The following SPATA13 variants were observed in gnomAD, a reference collection of about 807,000 sequenced individuals.
SPATA13 encodes the protein spermatogenesis associated 13.
SPATA13 carries 50 observed loss-of-function variants against 104.0 expected under a neutral mutation model. The ratio of observed to expected loss-of-function variants is 0.48; its 90% CI spans 0.38 to 0.61. The LOEUF (loss-of-function observed/expected upper bound fraction) is 0.61, where lower values mean the gene tolerates loss of function less well. Ranked by LOEUF, SPATA13 falls within the 20% of genes least tolerant of loss-of-function variation. The pLI, the probability that SPATA13 is intolerant of heterozygous loss-of-function variation, is 0.00. For synonymous variants in SPATA13, 606 were observed against 667.5 expected (o/e 0.91, Z 1.42); for missense variants, 1,524 against 1,690.6 (o/e 0.90, Z 1.73).
At chr13:24,038,188 C>T (rs1383846212) in intron 3 of SPATA13, among the ~76,000 whole-genome samples, 2 of 152,232 alleles carry the variant, frequency 1.3e-5, no homozygotes, top group Admixed American at 6.5e-5. Flanking sequence ...GCTGGGATTA[C>T]AGGCATGAGC....
chr13:24,286,120 AC>A lies in SPATA13; in HGVS notation c.2302-92del, dbSNP rs1318570995. ...CACCAGCATATCCAAGTGAGAGGAT[AC>A]CAGTGTCACCCTGAGAGAGTGCACC... On this transcript the variant is annotated intron_variant, in intron 5 of 12. Coordinates refer to ENST00000382108, the MANE Select transcript of SPATA13 (RefSeq NM_001166271.3). This position sits in a 1 kb window ranked among gnomAD's most constrained non-coding sequence, Gnocchi z 4.9. 1 of 1,197,610 alleles carries A rather than the reference AC, an allele frequency of 8.3e-7. No homozygotes were observed. The highest frequency in any genetic ancestry group is 1.5e-5 in the African/African-American group (1 of 65,306). 74.2% of individuals were successfully genotyped at this position (1,197,610 alleles called of 1,614,324 possible).
rs9510996 is a variant in SPATA13 at position 24,017,319 on chromosome 13, C to G, written c.-146-348C>G. 9.2e-3 allele frequency among the ~76,000 whole-genome samples: 1,397 copies of G among 152,250 alleles called. 8 individuals are homozygous for G. Among genetic ancestry groups the G allele is most frequent in the Non-Finnish European group, 0.013 (870 of 68,030 alleles). On this transcript the variant is annotated intron_variant, in intron 2 of 14. Transcript: ENST00000424834. ...GCGTGCAGCAAGTGAGTGGTGGACC[C>G]GAACCAGAACCTACGTAAGCCCACG...
At chr13:24,293,988 T>C (rs571475134) in intron 9 of SPATA13, among the ~76,000 whole-genome samples, 7 of 152,198 alleles carry the variant, frequency 4.6e-5, no homozygotes, top group African/African-American at 1.7e-4. Context: ...ATTAGCTGGA[T>C]GGTTGGTCTC....
At chr13:24,002,185 G>C (rs1485894913) in intron 2 of SPATA13, among the ~76,000 whole-genome samples, 1 of 152,092 alleles carries the variant, frequency 6.6e-6, no homozygotes, top group African/African-American at 2.4e-5. Context: ...TTTACAAGCA[G>C]AGGTCTAAGA....
intron 3 of SPATA13, among the ~76,000 whole-genome samples, chr13:24,024,184 A>G (rs529811333): frequency 6.6e-6 from 1 of 152,322 alleles, no homozygotes; most frequent in East Asian, 1.9e-4. Flanking sequence ...AAGGGAGGTG[A>G]CCAGTCACAC....
intron 9 of SPATA13, among the ~76,000 whole-genome samples, chr13:24,293,224 T>G (rs1386030508): frequency 1.4e-5 from 2 of 147,220 alleles, no homozygotes; most frequent in Admixed American, 1.3e-4. Context: ...TCAGAAAAGT[T>G]CAGTGGAAAA....
intron 3 of SPATA13, among the ~76,000 whole-genome samples, chr13:24,037,511 G>C (rs1455864992): frequency 6.6e-6 from 1 of 151,738 alleles, no homozygotes; most frequent in East Asian, 1.9e-4. Flanking sequence ...GGGTTCAAGC[G>C]ATTCTCCTGC....
intron 3 of SPATA13, among the ~76,000 whole-genome samples, chr13:24,148,644 G>A (rs925019949): frequency 6.6e-6 from 1 of 152,294 alleles, no homozygotes; most frequent in Non-Finnish European, 1.5e-5. Context: ...GGAGAACTTG[G>A]TTGAAGAGTT....
chr13:24,259,849 C>T (rs984621932), intron 4 of SPATA13, among the ~76,000 whole-genome samples: 5 of 152,150 alleles, frequency 3.3e-5, no homozygotes. Context: ...CAGAGTCTCA[C>T]TCTGTTGCCC....
chr13:24,065,458 CA>C (rs1451959738), intron 3 of SPATA13, among the ~76,000 whole-genome samples: 1 of 152,144 alleles, frequency 6.6e-6, no homozygotes, highest in Admixed American at 6.5e-5. Flanking sequence ...GAAATACAGC[CA>C]CCTGTAGCTC....
intron 2 of SPATA13, among the ~76,000 whole-genome samples, chr13:23,999,477 C>T (rs1273037740): frequency 1.3e-5 from 2 of 151,254 alleles, no homozygotes; most frequent in African/African-American, 4.9e-5. Context: ...ATCTTCCAAC[C>T]CATCATACAG....
chr13:24,301,989 A>T (rs987091769), intron 12 of SPATA13, among the ~76,000 whole-genome samples: 1 of 152,108 alleles, frequency 6.6e-6, no homozygotes, highest in Non-Finnish European at 1.5e-5. Context: ...TTCCCCAGTA[A>T]TCCCAGCTGA....
intron 3 of SPATA13, among the ~76,000 whole-genome samples, chr13:24,126,546 TGAGA>T (rs540526018): frequency 1.3e-5 from 2 of 151,962 alleles, no homozygotes; most frequent in Non-Finnish European, 2.9e-5. Flanking sequence ...TGTGTGTGTG[TGAGA>T]GAGAGAGACA....
At chr13:24,001,171 C>T (rs916483675) in intron 2 of SPATA13, among the ~76,000 whole-genome samples, 2 of 152,118 alleles carry the variant, frequency 1.3e-5, no homozygotes, top group African/African-American at 2.4e-5. Flanking sequence ...AGGCTCACAG[C>T]CACATTACAT....
chr13:24,135,692 C>T (rs111929244), intron 3 of SPATA13, among the ~76,000 whole-genome samples: 1,732 of 117,262 alleles, frequency 0.015, 30 homozygotes, highest in African/African-American at 0.037. Flanking sequence ...AGCAAGAATC[C>T]GTCTCAAAAA....
intron 2 of SPATA13, among the ~76,000 whole-genome samples, chr13:23,987,001 C>CTGTGTGTGTGTGTGTGTGTG (rs113990315): frequency 2.1e-5 from 3 of 141,426 alleles, no homozygotes; most frequent in African/African-American, 8.0e-5. Flanking sequence ...ATGGATATAT[C>CTGTGTGTGTGTGTGTGTGTG]TGTGTGTGTG....
chr13:23,997,481 T>G (rs891605949), intron 2 of SPATA13, among the ~76,000 whole-genome samples: 1 of 152,252 alleles, frequency 6.6e-6, no homozygotes, highest in Non-Finnish European at 1.5e-5. Flanking sequence ...ATTTGAGATT[T>G]ATCCATGTCT....
intron 2 of SPATA13, among the ~76,000 whole-genome samples, chr13:24,245,795 C>A (rs1873101505): frequency 6.6e-6 from 1 of 151,894 alleles, no homozygotes; most frequent in African/African-American, 2.4e-5. Context: ...CACTGTGTTG[C>A]CCACGCTGGT....
intron 1 of SPATA13, among the ~76,000 whole-genome samples, chr13:24,196,264 G>C (rs1048454335): frequency 6.6e-6 from 1 of 152,134 alleles, no homozygotes; most frequent in African/African-American, 2.4e-5. Flanking sequence ...TGTTCCCTAA[G>C]AGTGAGGCTT....
Sources: allele counts gnomAD v4.1 joint callset (sites outside exome capture counted in the v4.1 genomes callset), GRCh38; gene constraint gnomAD v4.1.1; non-coding constraint Gnocchi (gnomAD v3.1); transcripts MANE v1.5; gene names NCBI Gene and HGNC (gene_info 2026-07-23, HGNC 2026-07-21).